Variants in CLEC16A observed in about 807,000 individuals in gnomAD.
CLEC16A encodes protein CLEC16A.
CLEC16A carries 51 observed loss-of-function variants against 109.5 expected under a neutral mutation model. The ratio of observed to expected loss-of-function variants is 0.47; its 90% CI spans 0.37 to 0.59. The LOEUF (loss-of-function observed/expected upper bound fraction) is 0.59. Ranked by LOEUF, CLEC16A falls within the 20% of genes least tolerant of loss-of-function variation. CLEC16A has a pLI of 0.00. For synonymous variants in CLEC16A, 673 were observed against 564.2 expected (o/e 1.19, Z -2.73); for missense variants, 1,339 against 1,394.0 (o/e 0.96, Z 0.63).
chr16:11,025,231 C>T (rs1452234814), intron 13 of CLEC16A, among the ~76,000 whole-genome samples: 1 of 152,206 alleles, frequency 6.6e-6, no homozygotes, highest in Non-Finnish European at 1.5e-5. Context: ...TTACAACTGA[C>T]TTAGCGTCTG....
intron 16 of CLEC16A, among the ~76,000 whole-genome samples, chr16:11,045,116 G>T (rs926201867): frequency 1.3e-5 from 2 of 151,988 alleles, no homozygotes; most frequent in Admixed American, 1.3e-4. Context: ...AGGCTGCGGC[G>T]GTCAGATCAC....
intron 18 of CLEC16A, among the ~76,000 whole-genome samples, chr16:11,057,191 G>A (rs979990153): frequency 2.6e-5 from 4 of 152,170 alleles, no homozygotes; most frequent in Admixed American, 1.3e-4. Context: ...ACATTAAACT[G>A]CTTCGGCCCT....
At chr16:11,079,433 C>A (rs972177147) in intron 19 of CLEC16A, among the ~76,000 whole-genome samples, 1 of 152,212 alleles carries the variant, frequency 6.6e-6, no homozygotes, top group Non-Finnish European at 1.5e-5. Flanking sequence ...AGTTCTCATC[C>A]CATCTTCCCT....
chr16:11,177,852 CTTT>C (rs113715763), intron 23 of CLEC16A, among the ~76,000 whole-genome samples: 6 of 139,852 alleles, frequency 4.3e-5, no homozygotes, highest in Non-Finnish European at 3.1e-5. Flanking sequence ...ACAGAATTTC[CTTT>C]TTTTTTTTTT....
chr16:11,064,646 A>C (rs1490465100), intron 19 of CLEC16A, among the ~76,000 whole-genome samples: 2 of 152,202 alleles, frequency 1.3e-5, no homozygotes, highest in African/African-American at 4.8e-5. Flanking sequence ...TTGTGGTGGC[A>C]GATACCTGTA....
chr16:11,092,355 AAAAC>A (rs1438493024), intron 19 of CLEC16A, among the ~76,000 whole-genome samples: 2 of 86,420 alleles, frequency 2.3e-5, no homozygotes, highest in East Asian at 2.9e-4. Flanking sequence ...AAAACAAACA[AAAAC>A]AAACACACAC....
At chr16:10,963,730 C>T (rs928700713) in intron 3 of CLEC16A, among the ~76,000 whole-genome samples, 3 of 152,216 alleles carry the variant, frequency 2.0e-5, no homozygotes, top group African/African-American at 7.2e-5. Context: ...CACCCAGGCG[C>T]CAGCTCTAGC....
chr16:11,120,397 C>G (rs995378235), intron 19 of CLEC16A, among the ~76,000 whole-genome samples: 1 of 152,200 alleles, frequency 6.6e-6, no homozygotes, highest in Non-Finnish European at 1.5e-5. Flanking sequence ...TGTGCATTCT[C>G]TTTATTATCC....
chr16:11,088,265 G>T (rs1052009042), intron 19 of CLEC16A, among the ~76,000 whole-genome samples: 4 of 152,230 alleles, frequency 2.6e-5, no homozygotes, highest in Non-Finnish European at 5.9e-5. Context: ...GAGGCCAGAG[G>T]CTCTGAGAGG....
intron 9 of CLEC16A, among the ~76,000 whole-genome samples, chr16:10,981,008 C>T (rs2043291333): frequency 6.6e-6 from 1 of 152,170 alleles, no homozygotes; most frequent in Non-Finnish European, 1.5e-5. Flanking sequence ...GTGGTGTAGG[C>T]AGCTGGGCCC....
intron 19 of CLEC16A, among the ~76,000 whole-genome samples, chr16:11,109,579 C>A (rs150810152): frequency 5.9e-5 from 9 of 152,324 alleles, no homozygotes; most frequent in African/African-American, 1.9e-4. Context: ...CAGGCCACTG[C>A]AGTTCCCCCT....
chr16:11,103,696 C>A (rs1473864744), intron 19 of CLEC16A, among the ~76,000 whole-genome samples: 1 of 152,140 alleles, frequency 6.6e-6, no homozygotes, highest in Non-Finnish European at 1.5e-5. Flanking sequence ...TGGCTCTTGT[C>A]CCATGGCATG....
chr16:11,128,613 T>C (rs1365184091), intron 22 of CLEC16A, among the ~76,000 whole-genome samples: 1 of 152,234 alleles, frequency 6.6e-6, no homozygotes, highest in Non-Finnish European at 1.5e-5. Flanking sequence ...GAGGCCTCGC[T>C]GCCCTCCCAC....
chr16:11,000,118 G>A (rs538478824), intron 10 of CLEC16A, among the ~76,000 whole-genome samples: 38 of 152,296 alleles, frequency 2.5e-4, no homozygotes, highest in African/African-American at 7.7e-4. Flanking sequence ...GATTACAGGC[G>A]TGAGCCACCA....
At chr16:10,950,167 C>T (rs1299335874) in intron 1 of CLEC16A, among the ~76,000 whole-genome samples, 3 of 152,140 alleles carry the variant, frequency 2.0e-5, no homozygotes, top group Non-Finnish European at 4.4e-5. Flanking sequence ...GGAAGCTGGC[C>T]GGGGTTCCTG....
At chr16:11,063,215 G>A (rs2048580772) in intron 19 of CLEC16A, among the ~76,000 whole-genome samples, 1 of 151,248 alleles carries the variant, frequency 6.6e-6, no homozygotes, top group African/African-American at 2.4e-5. Flanking sequence ...GATTATGGAA[G>A]CACGTGGTAC....
intron 18 of CLEC16A, among the ~76,000 whole-genome samples, chr16:11,059,671 AC>A (rs1229337824): frequency 6.6e-6 from 1 of 151,968 alleles, no homozygotes; most frequent in Non-Finnish European, 1.5e-5. Context: ...AAACAAGAAG[AC>A]CCAAAGGCGC....
intron 22 of CLEC16A, chr16:11,157,285 G>A (rs1383832102): frequency 8.6e-7 from 1 of 1,156,996 alleles, no homozygotes; most frequent in Non-Finnish European, 1.1e-6. Context: ...GGCAGCTCAG[G>A]CTTGGCCCGG....
At chr16:11,159,330 A>C (rs893162358) in intron 22 of CLEC16A, among the ~76,000 whole-genome samples, 6 of 152,330 alleles carry the variant, frequency 3.9e-5, no homozygotes, top group Admixed American at 1.3e-4. Context: ...CTATTAAATA[A>C]AGGGAAACAG....
Sources: gnomAD v4.1 joint callset for allele counts (sites outside exome capture counted in the v4.1 genomes callset) on GRCh38, gnomAD v4.1.1 for gene constraint, MANE v1.5 for transcripts, NCBI Gene and HGNC (gene_info 2026-07-23, HGNC 2026-07-21) for gene names.